The following AMOT variants were observed in gnomAD, a reference collection of about 807,000 sequenced individuals.
AMOT encodes the protein angiomotin.
In AMOT, 11 loss-of-function variants were observed where a neutral mutation model predicts 67.0. The ratio of observed to expected loss-of-function variants is 0.16; its 90% confidence interval spans 0.10 to 0.27. The LOEUF is 0.27. Among genes scored for constraint, AMOT ranks in the 10% least tolerant of loss-of-function variants. AMOT has a pLI of 1.00. For missense variants in AMOT, 753 were observed against 852.0 expected (o/e 0.88, Z 1.45); for synonymous variants, 326 against 321.4 (o/e 1.01, Z -0.15).
intron 2 of AMOT, among the ~76,000 whole-genome samples, chrX:112,828,157 C>A (rs1287988189): frequency 9.1e-6 from 1 of 110,261 alleles, no homozygotes; most frequent in Non-Finnish European, 1.9e-5. Flanking sequence ...AGTCTTGCAA[C>A]CCAAGATACC....
chrX:112,815,978 G>A lies in AMOT; in HGVS notation c.873-101C>T, dbSNP rs749091813. The A allele has an allele frequency of 1.3e-5, 14 of 1,054,563 alleles. No homozygotes were observed. The East Asian group carries it at 4.3e-4, about 33-fold the overall frequency. 86.9% of individuals were successfully genotyped at this position (1,054,563 alleles called of 1,213,427 possible). On this transcript the variant is annotated intron_variant, in intron 4 of 13. Coordinates refer to ENST00000371959, the MANE Select transcript of AMOT (RefSeq NM_001113490.2). ...ATGAGGAGGCTTCTGATGCCCCCAG[G>A]ACACCTGCAAAATGAAGAGCAGGCA...
intron 7 of AMOT, among the ~76,000 whole-genome samples, chrX:112,806,953 G>A (rs969355961): frequency 3.6e-5 from 4 of 112,106 alleles, no homozygotes; most frequent in Non-Finnish European, 5.6e-5. Flanking sequence ...CTCCAGCAGG[G>A]AGAGGGAAAA....
chrX:112,814,995 A>G (rs955548442), intron 5 of AMOT, among the ~76,000 whole-genome samples: 24 of 112,164 alleles, frequency 2.1e-4, no homozygotes, highest in African/African-American at 6.5e-4. Context: ...GACCAAGACA[A>G]TGAGCCTTAA....
Position 112,779,633 on chromosome X carries a change from G to C in AMOT, c.2521C>G (p.Pro841Ala), listed in dbSNP as rs1231484451. ...DYRAEYVPST[P>A]SPVPPSTPLL... is the part of the protein sequence containing the mutation. ...GGAGTCGAGGGTGGCACAGGCGAGG[G>C]TGTGGAAGGGACATATTCAGCACGG... The change falls in exon 13 of 14, where the codon CCC (proline) becomes GCC (alanine). Residue 841 changes from proline (P) to alanine (A), a missense_variant. Around this residue, in one of 5 missense-constraint regions of AMOT, gnomAD observed 269 missense variants for 300.9 expected, o/e 0.89. Coordinates refer to ENST00000371959, the MANE Select transcript of AMOT (RefSeq NM_001113490.2). 1 of 1,208,322 alleles carries C rather than the reference G, an allele frequency of 8.3e-7. No individual in the cohort carries two copies. Among genetic ancestry groups the C allele is most frequent in the Non-Finnish European group, 1.1e-6 (1 of 894,736 alleles).
intron 2 of AMOT, among the ~76,000 whole-genome samples, chrX:112,828,913 A>C (rs923978578): frequency 2.7e-5 from 3 of 112,444 alleles, no homozygotes; most frequent in African/African-American, 6.5e-5. Flanking sequence ...GTAAAATGTT[A>C]ATGGAAGGAA....
At chrX:112,804,041 A>T (rs1271784588) in intron 8 of AMOT, among the ~76,000 whole-genome samples, 1 of 111,919 alleles carries the variant, frequency 8.9e-6, no homozygotes, top group East Asian at 2.8e-4. Context: ...CATCCAAGAT[A>T]AATTAATGAC....
At chrX:112,826,717 A>G (rs997755698) in intron 2 of AMOT, among the ~76,000 whole-genome samples, 2 of 111,961 alleles carry the variant, frequency 1.8e-5, no homozygotes, top group African/African-American at 6.5e-5. Context: ...AAACTACCAT[A>G]TGATTTTTTT....
At chrX:112,832,486 A>C (rs1390050723) in intron 1 of AMOT, 116 bp from the exon 2 acceptor site, 1 of 111,747 alleles carries the variant, frequency 8.9e-6, no homozygotes, top group African/African-American at 3.3e-5. Flanking sequence ...ACTGTTGCCC[A>C]TTGGTAGGGC....
At chrX:112,782,001 G>C (rs1054095348) in intron 11 of AMOT, among the ~76,000 whole-genome samples, 51 of 111,368 alleles carry the variant, frequency 4.6e-4, no homozygotes, top group Non-Finnish European at 7.5e-4. Context: ...CAATTCTCCT[G>C]CCTCGGCCTC....
intron 1 of AMOT, among the ~76,000 whole-genome samples, chrX:112,835,390 T>C (rs1327358048): frequency 1.8e-5 from 2 of 110,717 alleles, no homozygotes; most frequent in Non-Finnish European, 1.9e-5. Context: ...TTTTCAAGAA[T>C]TGCCTTAGGA....
At chrX:112,808,451 C>T (rs956615581) in intron 7 of AMOT, among the ~76,000 whole-genome samples, 1 of 111,629 alleles carries the variant, frequency 9.0e-6, no homozygotes, top group African/African-American at 3.3e-5. Context: ...TCTCCTGCCA[C>T]AGTTCCAACC....
intron 8 of AMOT, among the ~76,000 whole-genome samples, chrX:112,796,034 A>T (rs964071832): frequency 5.4e-5 from 4 of 73,440 alleles, no homozygotes; most frequent in South Asian, 4.6e-4. Context: ...TCAGAAGTTT[A>T]AAAAAAAAAA....
At chrX:112,812,097 G>T (rs1934385987) in intron 5 of AMOT, among the ~76,000 whole-genome samples, 1 of 112,134 alleles carries the variant, frequency 8.9e-6, no homozygotes, top group South Asian at 3.7e-4. Context: ...AGTAGAAGTA[G>T]TGCCATAAAG....
chrX:112,778,067 C>T lies in AMOT; in HGVS notation c.*500G>A, dbSNP rs1433511498. 2 of 111,727 alleles carry T rather than the reference C, an allele frequency of 1.8e-5. No individual in the cohort carries two copies. Among genetic ancestry groups the T allele is most frequent in the Non-Finnish European group, 3.8e-5 (2 of 53,270 alleles). 9.2% of individuals were successfully genotyped at this position (111,727 alleles called of 1,213,427 possible). A position where few individuals can be genotyped will look rare whatever the true frequency, so the allele number is the denominator to read the frequency against. On this transcript the variant is annotated 3_prime_UTR_variant, in exon 14 of 14. Coordinates refer to ENST00000371959, the MANE Select transcript of AMOT (RefSeq NM_001113490.2). ...ACCTTTTTTCCAGCTTACATAGCTCCTGAAACTATTCCCTTTTGTAAGCCT... is the reference window on the plus strand; with the variant it reads ...ACCTTTTTTCCAGCTTACATAGCTCTTGAAACTATTCCCTTTTGTAAGCCT...
intron 4 of AMOT, chrX:112,819,236 C>T (rs1934650738): frequency 2.0e-5 from 8 of 407,076 alleles, no homozygotes; most frequent in Non-Finnish European, 2.5e-5. Context: ...ACACACTCCA[C>T]ACTCCTGGCA....
intron 1 of AMOT, among the ~76,000 whole-genome samples, chrX:112,833,011 C>G (rs1353432321): frequency 8.9e-6 from 1 of 112,206 alleles, no homozygotes; most frequent in Non-Finnish European, 1.9e-5. Context: ...AGAACTGAAT[C>G]TAAACCCTGC....
intron 1 of AMOT, among the ~76,000 whole-genome samples, chrX:112,833,881 A>G (rs1354529680): frequency 8.9e-6 from 1 of 112,441 alleles, no homozygotes; most frequent in Non-Finnish European, 1.9e-5. Flanking sequence ...TTGCTATCAC[A>G]TGGAACAAAT....
chrX:112,781,080 G>C lies in AMOT; in HGVS notation c.2279C>G (p.Ala760Gly). 8.3e-7 allele frequency: 1 copy of C among 1,211,793 alleles called. No homozygotes were observed. The highest frequency in any genetic ancestry group is 2.2e-5 in the Admixed American group (1 of 46,039). ...TLHAQIIEKD[A>G]MIKVLQQRSR... is the part of the protein sequence containing the mutation. Reference sequence around the variant, plus strand: ...ACGCTGCTGGAGTACTTTGATCATGGCATCCTTCTCAATAATCTGGGCATG... The same window carrying C: ...ACGCTGCTGGAGTACTTTGATCATGCCATCCTTCTCAATAATCTGGGCATG... The change falls in exon 12 of 14, where the codon GCC (alanine) becomes GGC (glycine). Residue 760 changes from alanine (A) to glycine (G), a missense_variant. Transcript: ENST00000371959.
At chrX:112,815,303 C>A in intron 5 of AMOT, 55 bp downstream of exon 5, 1 of 1,136,264 alleles carries the variant, frequency 8.8e-7, no homozygotes. Context: ...GGATATTAAA[C>A]AAGTCTCACA....
Sources: gnomAD v4.1 joint callset for allele counts (sites outside exome capture counted in the v4.1 genomes callset) on GRCh38, gnomAD v4.1.1 for gene constraint, gnomAD v4.1.1 regional missense constraint, MANE v1.5 for transcripts, NCBI Gene and HGNC (gene_info 2026-07-23, HGNC 2026-07-21) for gene names.